NKAIN2: variants seen among roughly 807,000 people sequenced by gnomAD.
NKAIN2 encodes the protein sodium/potassium transporting ATPase interacting 2.
A neutral mutation model predicts 32.6 loss-of-function variants in NKAIN2; 14 were observed. The observed-to-expected ratio is 0.43, with a 90% CI of 0.28 to 0.67. The LOEUF (loss-of-function observed/expected upper bound fraction) is 0.67. Among genes scored for constraint, NKAIN2 ranks in the 30% least tolerant of loss-of-function variants. The pLI, the probability that NKAIN2 is intolerant of heterozygous loss-of-function variation, is 0.17. For synonymous variants in NKAIN2, 80 were observed against 87.2 expected, an observed-to-expected ratio of 0.92 and a Z score of 0.46; for missense variants, 198 against 258.3, an observed-to-expected ratio of 0.77 and a Z score of 1.60.
intron 1 of NKAIN2, among the ~76,000 whole-genome samples, chr6:123,818,362 C>T (rs1773787316): frequency 8.0e-6 from 1 of 124,502 alleles, no homozygotes; most frequent in Non-Finnish European, 1.6e-5. Context: ...GAAACACACA[C>T]ACACACACAC....
At chr6:124,197,607 C>T (rs1049712235) in intron 1 of NKAIN2, among the ~76,000 whole-genome samples, 1 of 152,100 alleles carries the variant, frequency 6.6e-6, no homozygotes, top group African/African-American at 2.4e-5. Context: ...TATTACATTA[C>T]CATTTTGTAC....
chr6:124,172,014 G>A (rs1229358041), intron 1 of NKAIN2, among the ~76,000 whole-genome samples: 1 of 151,618 alleles, frequency 6.6e-6, no homozygotes, highest in African/African-American at 2.4e-5. Context: ...GGGTTTCACC[G>A]TGTTAGCCAG....
intron 2 of NKAIN2, among the ~76,000 whole-genome samples, chr6:124,325,341 T>C (rs1036575737): frequency 5.3e-5 from 8 of 152,046 alleles, no homozygotes; most frequent in Admixed American, 4.6e-4. Flanking sequence ...GAAAACAGTT[T>C]AGCAGTTTCT....
At chr6:124,241,276 A>G (rs972910396) in intron 1 of NKAIN2, among the ~76,000 whole-genome samples, 6 of 152,208 alleles carry the variant, frequency 3.9e-5, no homozygotes, top group Admixed American at 6.5e-5. Flanking sequence ...TTCCATGCTC[A>G]TGACTAGGAA....
intron 3 of NKAIN2, among the ~76,000 whole-genome samples, chr6:124,466,231 G>C (rs1480872187): frequency 2.0e-5 from 3 of 152,044 alleles, no homozygotes; most frequent in Non-Finnish European, 4.4e-5. Flanking sequence ...ATCACTTATA[G>C]CCAACCATGA....
chr6:124,752,446 C>A (rs1165930357), intron 4 of NKAIN2, among the ~76,000 whole-genome samples: 1 of 151,978 alleles, frequency 6.6e-6, no homozygotes, highest in Non-Finnish European at 1.5e-5. Context: ...TTTCTTCAAG[C>A]TTTCTTTCTT....
intron 3 of NKAIN2, among the ~76,000 whole-genome samples, chr6:124,432,041 T>G (rs1319238309): frequency 6.6e-6 from 1 of 152,198 alleles, no homozygotes; most frequent in Non-Finnish European, 1.5e-5. Flanking sequence ...TTAAACTCCC[T>G]TCTTAATTTG....
rs1778003536 is a variant in NKAIN2 at position 123,964,878 on chromosome 6, G to A, written c.54+160624G>A. On this transcript the variant is annotated intron_variant, in intron 1 of 6. Coordinates refer to ENST00000368417, the MANE Select transcript of NKAIN2 (RefSeq NM_001040214.3). This position sits in a 1 kb window ranked among gnomAD's most constrained non-coding sequence, Gnocchi z 4.0. Reference sequence around the variant, plus strand: ...CTCTCATTTTATTCCTTTTGCTCATGTTCTCACCTTGTACCTATCACCAGT... The same window carrying A: ...CTCTCATTTTATTCCTTTTGCTCATATTCTCACCTTGTACCTATCACCAGT... 1.3e-5 allele frequency among the ~76,000 whole-genome samples: 2 copies of A among 152,072 alleles called. No homozygotes were observed. Among genetic ancestry groups the A allele is most frequent in the Middle Eastern group, 3.2e-3 (1 of 316 alleles).
At chr6:124,519,611 T>C (rs1779048297) in intron 3 of NKAIN2, among the ~76,000 whole-genome samples, 1 of 152,306 alleles carries the variant, frequency 6.6e-6, no homozygotes, top group Non-Finnish European at 1.5e-5. Context: ...CTACAGATTT[T>C]GAAAGCTTAA....
At chr6:124,201,467 C>T (rs183141327) in intron 1 of NKAIN2, among the ~76,000 whole-genome samples, 135 of 151,968 alleles carry the variant, frequency 8.9e-4, no homozygotes, top group African/African-American at 3.0e-3. Flanking sequence ...AAATTAGTTA[C>T]CTATTGTTTT....
At position 124,639,998 on chromosome 6, in the gene NKAIN2, A is replaced by C. The variant is rs145788375; in HGVS notation, c.274-18188A>C. 2.6e-3 allele frequency among the ~76,000 whole-genome samples: 389 copies of C among 152,312 alleles called. 6 individuals carry two copies. Among genetic ancestry groups the C allele is most frequent in the African/African-American group, 8.9e-3 (368 of 41,576 alleles). ...AGAGGATTTTGAATGTCTCCAACAC[A>C]AAGGATAAATATTGAGGTGATGGAT... On this transcript the variant is annotated intron_variant, in intron 3 of 6. Coordinates refer to ENST00000368417, the MANE Select transcript of NKAIN2 (RefSeq NM_001040214.3).
At chr6:124,111,646 G>A (rs752990405) in intron 1 of NKAIN2, among the ~76,000 whole-genome samples, 7 of 151,886 alleles carry the variant, frequency 4.6e-5, no homozygotes, top group Non-Finnish European at 8.8e-5. Context: ...CTTTTGATTA[G>A]AGAGTTTAAT....
intron 3 of NKAIN2, among the ~76,000 whole-genome samples, chr6:124,654,681 C>T (rs890759632): frequency 3.9e-5 from 6 of 151,998 alleles, no homozygotes; most frequent in Admixed American, 1.3e-4. Flanking sequence ...GGCTCTAGGC[C>T]AATACAACTG....
At chr6:124,711,495 T>G (rs1194711235) in intron 4 of NKAIN2, among the ~76,000 whole-genome samples, 1 of 151,350 alleles carries the variant, frequency 6.6e-6, no homozygotes, top group Admixed American at 6.6e-5. Context: ...TAGTCCCATA[T>G]GTCTTGGAGT....
At chr6:124,319,553 C>CT (rs1056458186) in intron 2 of NKAIN2, among the ~76,000 whole-genome samples, 46 of 152,094 alleles carry the variant, frequency 3.0e-4, no homozygotes, top group African/African-American at 1.1e-3. Context: ...ATGCCATTAT[C>CT]TTTGCTACAA....
At chr6:124,816,142 G>A (rs1036343904) in intron 5 of NKAIN2, among the ~76,000 whole-genome samples, 5 of 152,106 alleles carry the variant, frequency 3.3e-5, no homozygotes, top group Non-Finnish European at 4.4e-5. Flanking sequence ...AAGTCCTGGT[G>A]GAATCTTACA....
intron 3 of NKAIN2, among the ~76,000 whole-genome samples, chr6:124,555,022 G>T (rs1780422609): frequency 6.6e-6 from 1 of 152,130 alleles, no homozygotes; most frequent in Non-Finnish European, 1.5e-5. Context: ...ATGCCCTTGG[G>T]TTTGATTCCC....
At chr6:124,006,736 G>T (rs1290301976) in intron 1 of NKAIN2, among the ~76,000 whole-genome samples, 3 of 152,128 alleles carry the variant, frequency 2.0e-5, no homozygotes, top group Non-Finnish European at 4.4e-5. Flanking sequence ...GTGGTTGTTT[G>T]CAGAAACCTG....
intron 1 of NKAIN2, among the ~76,000 whole-genome samples, chr6:123,893,765 C>G (rs917541505): frequency 1.3e-5 from 2 of 152,136 alleles, no homozygotes; most frequent in African/African-American, 4.8e-5. Context: ...AAAAGATCAC[C>G]CCCAACCCTT....
Sources: gnomAD v4.1 joint callset for allele counts (sites outside exome capture counted in the v4.1 genomes callset) on GRCh38, gnomAD v4.1.1 for gene constraint, Gnocchi (gnomAD v3.1) non-coding constraint, MANE v1.5 for transcripts, NCBI Gene and HGNC (gene_info 2026-07-23, HGNC 2026-07-21) for gene names.